The following SFMBT2 variants were observed in gnomAD, a reference collection of about 807,000 sequenced individuals.
SFMBT2 encodes the protein Scm like with four mbt domains 2.
In SFMBT2, 38 loss-of-function variants were observed where a neutral mutation model predicts 110.1. The observed-to-expected ratio is 0.35, with a 90% CI of 0.27 to 0.45. The LOEUF is 0.45. Among genes scored for constraint, SFMBT2 ranks in the 20% least tolerant of loss-of-function variants. The pLI is 1.00. For missense variants in SFMBT2, 1,011 were observed against 1,094.9 expected (o/e 0.92, Z 1.08); for synonymous variants, 425 against 425.4 (o/e 1.00, Z 0.01).
intron 4 of SFMBT2, among the ~76,000 whole-genome samples, chr10:7,334,355 T>C (rs1160878088): frequency 2.0e-5 from 3 of 152,184 alleles, no homozygotes; most frequent in Middle Eastern, 3.2e-3. Flanking sequence ...GCCTGCTGTG[T>C]GCTGCCTTCC....
At chr10:7,294,839 CT>C (rs1234917306) in intron 4 of SFMBT2, among the ~76,000 whole-genome samples, 1 of 152,104 alleles carries the variant, frequency 6.6e-6, no homozygotes, top group Non-Finnish European at 1.5e-5. Context: ...ATGAAACTGT[CT>C]TTTTCCTTTG....
intron 7 of SFMBT2, among the ~76,000 whole-genome samples, chr10:7,255,151 T>C (rs894692739): frequency 3.3e-5 from 5 of 152,150 alleles, no homozygotes; most frequent in African/African-American, 1.2e-4. Context: ...AGGGCATGCA[T>C]TCATTTACAC....
intron 10 of SFMBT2, among the ~76,000 whole-genome samples, chr10:7,224,009 A>C (rs1839828383): frequency 6.6e-6 from 1 of 152,122 alleles, no homozygotes; most frequent in Non-Finnish European, 1.5e-5. Flanking sequence ...GGTTTAGTCT[A>C]TGCTTGGTTT....
At chr10:7,232,360 A>C (rs1007957150) in intron 9 of SFMBT2, among the ~76,000 whole-genome samples, 1 of 152,214 alleles carries the variant, frequency 6.6e-6, no homozygotes, top group Non-Finnish European at 1.5e-5. Context: ...AACTTATCCC[A>C]TAAAAATGAC....
intron 6 of SFMBT2, among the ~76,000 whole-genome samples, chr10:7,282,291 G>A (rs1023386250): frequency 6.6e-6 from 1 of 152,176 alleles, no homozygotes; most frequent in Non-Finnish European, 1.5e-5. Flanking sequence ...ATTCCTGCTC[G>A]TGAGCGTGAG....
chr10:7,352,198 G>C (rs1036070682), intron 4 of SFMBT2, among the ~76,000 whole-genome samples: 4 of 152,190 alleles, frequency 2.6e-5, no homozygotes, highest in Admixed American at 6.5e-5. Flanking sequence ...TACCAGCAGA[G>C]AGCAGGGGCC....
chr10:7,268,006 G>T (rs1349766040), intron 7 of SFMBT2, among the ~76,000 whole-genome samples: 4 of 152,130 alleles, frequency 2.6e-5, no homozygotes, highest in Non-Finnish European at 4.4e-5. Flanking sequence ...CTTTTTGGTG[G>T]ACAAATGAGT....
rs115112293 is a variant in SFMBT2, at chr10:7,275,942, C to A, written c.870+950G>T. Among the ~76,000 whole-genome samples the A allele has an allele frequency of 8.3e-3, 1,269 of 152,336 alleles. 20 individuals carry two copies. Among genetic ancestry groups the A allele is most frequent in the African/African-American group, 0.029 (1,194 of 41,564 alleles). ...CACGTGCCACCCCAGGGCTGGGAAG[C>A]AACTGGATGTCTGCCCGTCACAACC... On this transcript the variant is annotated intron_variant, in intron 7 of 20. Coordinates refer to ENST00000397167, the MANE Select transcript of SFMBT2 (RefSeq NM_001387889.1).
At chr10:7,362,599 C>T (rs1420771326) in intron 4 of SFMBT2, among the ~76,000 whole-genome samples, 2 of 152,244 alleles carry the variant, frequency 1.3e-5, no homozygotes, top group Admixed American at 6.5e-5. Flanking sequence ...GGCATTCTCT[C>T]CCTTCCCCCA....
chr10:7,213,740 G>A (rs1839435627), intron 11 of SFMBT2, among the ~76,000 whole-genome samples: 1 of 151,762 alleles, frequency 6.6e-6, no homozygotes. Flanking sequence ...CGGGCACTCA[G>A]ATCCGTGTGC....
At chr10:7,193,176 CA>C (rs891423875) in intron 15 of SFMBT2, among the ~76,000 whole-genome samples, 2 of 152,120 alleles carry the variant, frequency 1.3e-5, no homozygotes, top group Non-Finnish European at 2.9e-5. Flanking sequence ...CCTGGACTGC[CA>C]AAAAGCAGCA....
At chr10:7,351,804 A>G (rs1844327296) in intron 4 of SFMBT2, among the ~76,000 whole-genome samples, 1 of 151,992 alleles carries the variant, frequency 6.6e-6, no homozygotes, top group African/African-American at 2.4e-5. Flanking sequence ...GTGCCCTGCT[A>G]TTAGGGCGCA....
At chr10:7,342,597 G>C (rs1181485437) in intron 4 of SFMBT2, among the ~76,000 whole-genome samples, 1 of 151,724 alleles carries the variant, frequency 6.6e-6, no homozygotes, top group Non-Finnish European at 1.5e-5. Flanking sequence ...TTTTAATAGA[G>C]ACAGGGTTTC....
intron 15 of SFMBT2, among the ~76,000 whole-genome samples, chr10:7,194,636 GA>G (rs1382396829): frequency 6.6e-6 from 1 of 152,226 alleles, no homozygotes; most frequent in African/African-American, 2.4e-5. Context: ...CTCTGGTACT[GA>G]AAGAGGAGCA....
intron 4 of SFMBT2, among the ~76,000 whole-genome samples, chr10:7,322,900 T>G (rs1843240964): frequency 6.6e-6 from 1 of 152,208 alleles, no homozygotes; most frequent in South Asian, 2.1e-4. Context: ...GGAAAATGAC[T>G]GTCTCATTAT....
At chr10:7,205,521 T>C (rs1839101161) in intron 12 of SFMBT2, 1 of 984,236 alleles carries the variant, frequency 1.0e-6, no homozygotes, top group Non-Finnish European at 1.2e-6. Context: ...AACATATTTT[T>C]TCACATCAAA....
At chr10:7,215,979 C>T (rs961810530) in intron 11 of SFMBT2, among the ~76,000 whole-genome samples, 11 of 152,342 alleles carry the variant, frequency 7.2e-5, no homozygotes, top group Non-Finnish European at 1.3e-4. Flanking sequence ...ATTTCCTCTT[C>T]ATTCTCTCTC....
intron 4 of SFMBT2, among the ~76,000 whole-genome samples, chr10:7,353,316 C>A (rs533942542): frequency 6.6e-6 from 1 of 152,138 alleles, no homozygotes; most frequent in African/African-American, 2.4e-5. Context: ...GCCATTTTTA[C>A]CCATCCACCC....
chr10:7,348,498 A>T (rs1564452278), intron 4 of SFMBT2, among the ~76,000 whole-genome samples: 1 of 152,202 alleles, frequency 6.6e-6, no homozygotes, highest in Non-Finnish European at 1.5e-5. Context: ...CTGTTAGTTG[A>T]GAAGAGATCA....
Sources: gnomAD v4.1 joint callset for allele counts (sites outside exome capture counted in the v4.1 genomes callset) on GRCh38, gnomAD v4.1.1 for gene constraint, MANE v1.5 for transcripts, NCBI Gene and HGNC (gene_info 2026-07-23, HGNC 2026-07-21) for gene names.